The following CNOT1 variants were observed in gnomAD, a reference collection of about 807,000 sequenced individuals.
CNOT1 encodes CCR4-associated factor 1.
In CNOT1, 15 loss-of-function variants were observed where a neutral mutation model predicts 273.8. The observed-to-expected ratio is 0.05, with a 90% CI of 0.04 to 0.08. The LOEUF (loss-of-function observed/expected upper bound fraction) is 0.08, where lower values mean the gene tolerates loss of function less well. Among genes scored for constraint, CNOT1 ranks in the 10% least tolerant of loss-of-function variants. The pLI is 1.00. For synonymous variants in CNOT1, 1,022 were observed against 1,005.5 expected (o/e 1.02, Z -0.31); for missense variants, 1,644 against 2,912.2 (o/e 0.56, Z 10.02).
At chr16:58,628,966 C>G (rs975152322) in intron 1 of CNOT1, among the ~76,000 whole-genome samples, 1 of 152,258 alleles carries the variant, frequency 6.6e-6, no homozygotes, top group Admixed American at 6.5e-5. Context: ...TTGAGGCCTA[C>G]AAGTGCTCAG....
intron 16 of CNOT1, among the ~76,000 whole-genome samples, chr16:58,569,625 ATG>A (rs2041195124): frequency 9.5e-6 from 1 of 105,368 alleles, no homozygotes; most frequent in Non-Finnish European, 1.8e-5. Context: ...CACTAACCAC[ATG>A]TCCCACCACA....
chr16:58,585,389 T>G lies in CNOT1; in HGVS notation c.755A>C (p.Glu252Ala). ...DSGGVAKTMM[E>A]SSLADFMQEV... is the part of the protein sequence containing the mutation. ...TTGCATGAAATCAGCCAAAGAGCTC[T>G]CCATCATGGTTTTAGCTACCCCTCC... The change falls in exon 8 of 49, where the codon GAG (glutamate) becomes GCG (alanine). Residue 252 changes from glutamate (E) to alanine (A), a missense_variant. Coordinates refer to ENST00000317147, the MANE Select transcript of CNOT1 (RefSeq NM_016284.5). The G allele has an allele frequency of 6.2e-7, 1 of 1,613,912 alleles. No individual in the cohort carries two copies. The highest frequency in any genetic ancestry group is 8.5e-7 in the Non-Finnish European group (1 of 1,180,002).
At chr16:58,533,353 G>A (rs759043263) in intron 40 of CNOT1, among the ~76,000 whole-genome samples, 18 of 152,122 alleles carry the variant, frequency 1.2e-4, no homozygotes, top group Non-Finnish European at 1.9e-4. Context: ...AACCACTGAC[G>A]TGGCCGGGCG....
chr16:58,542,718 AAC>A (rs2040130036), intron 31 of CNOT1, 150 bp from the exon 32 acceptor site: 4 of 1,202,946 alleles, frequency 3.3e-6, no homozygotes, highest in Non-Finnish European at 4.5e-6. Flanking sequence ...GTGATCTTGA[AAC>A]AGTCTTAACA....
At chr16:58,552,193 A>G (rs2040472178) in intron 22 of CNOT1, among the ~76,000 whole-genome samples, 1 of 151,842 alleles carries the variant, frequency 6.6e-6, no homozygotes, top group East Asian at 1.9e-4. Flanking sequence ...CAAAACAAAA[A>G]CCATGGTAGT....
rs1437908467 is a variant in CNOT1, at chr16:58,547,847, T to C, written c.3523-165A>G. Reference sequence around the variant, plus strand: ...TATATCATTCTCAATATCATTTTGCTGTGTTTATGATTCAACAGTGCTATT... The same window carrying C: ...TATATCATTCTCAATATCATTTTGCCGTGTTTATGATTCAACAGTGCTATT... On this transcript the variant is annotated intron_variant, in intron 25 of 48. Coordinates refer to ENST00000317147, the MANE Select transcript of CNOT1 (RefSeq NM_016284.5). The surrounding 1 kb of genome is among the most constrained non-coding windows in gnomAD (Gnocchi z 4.0). Among the ~76,000 whole-genome samples the C allele has an allele frequency of 6.6e-6, 1 of 152,248 alleles. No homozygotes were observed. Among genetic ancestry groups the C allele is most frequent in the East Asian group, 1.9e-4 (1 of 5,204 alleles).
chr16:58,598,306 G>C (rs1291357667), intron 2 of CNOT1, among the ~76,000 whole-genome samples: 3 of 151,302 alleles, frequency 2.0e-5, no homozygotes, highest in Non-Finnish European at 2.9e-5. Flanking sequence ...GTTAAGACAG[G>C]AGAATCGCTT....
At chr16:58,561,803 C>T (rs2040850784) in intron 16 of CNOT1, among the ~76,000 whole-genome samples, 1 of 152,152 alleles carries the variant, frequency 6.6e-6, no homozygotes, top group African/African-American at 2.4e-5. Context: ...ATCCTAAATA[C>T]TTCTGACCCC....
Position 58,611,365 on chromosome 16 carries a change from G to C in CNOT1, c.-174-11854C>G, listed in dbSNP as rs1056077789. On this transcript the variant is annotated intron_variant, in intron 1 of 48. Coordinates refer to ENST00000317147, the MANE Select transcript of CNOT1 (RefSeq NM_016284.5). ...AATTGCTTGATCCCGGGAAGCAGAG[G>C]TTACAGGGAGCCGAGACCACGCCAC... 4.0e-5 allele frequency among the ~76,000 whole-genome samples: 6 copies of C among 151,662 alleles called. No individual in the cohort carries two copies. The East Asian group carries it at 9.7e-4, about 25-fold the overall frequency.
In CNOT1 at chr16:58,532,249, C is replaced by G. The variant is rs2039796488; in HGVS notation, c.6042G>C (p.Gln2014His). Residue 2014 changes from glutamine (Q) to histidine (H), a missense_variant, in exon 41 of 49, where the codon CAG becomes CAC. By Grantham distance (24) the Gln-to-His change is conservative. Coordinates refer to ENST00000317147, the MANE Select transcript of CNOT1 (RefSeq NM_016284.5). ...ATACTCACCAGAAAGCTGTAAGTGT[C>G]TGGAAATTAATGGTTTCCAACACAT... is the stretch of plus-strand genomic sequence containing the variant. ...PEHVLETINFQTLTAFCNTFH... is the reference protein window; with the variant it reads ...PEHVLETINFHTLTAFCNTFH... The G allele has an allele frequency of 6.2e-7, 1 of 1,613,986 alleles. No homozygotes were observed. Among genetic ancestry groups the G allele is most frequent in the Non-Finnish European group, 8.5e-7 (1 of 1,179,946 alleles).
intron 8 of CNOT1, among the ~76,000 whole-genome samples, chr16:58,583,892 G>A (rs992460786): frequency 5.9e-5 from 9 of 151,958 alleles, no homozygotes; most frequent in Non-Finnish European, 1.2e-4. Context: ...GTAAGAGCCG[G>A]GTGTGGTGGC....
chr16:58,547,741 T>G lies in CNOT1; in HGVS notation c.3523-59A>C. The G allele has an allele frequency of 6.6e-7, 1 of 1,515,660 alleles. No individual in the cohort carries two copies. Among genetic ancestry groups the G allele is most frequent in the Non-Finnish European group, 8.9e-7 (1 of 1,117,908 alleles). The allele number at this position is 1,515,660 out of a possible 1,614,324, so 93.9% of individuals were successfully genotyped here. A position where few individuals can be genotyped will look rare whatever the true frequency, so the allele number is the denominator to read the frequency against. On this transcript the variant is annotated intron_variant, in intron 25 of 48. Transcript: ENST00000317147. This position sits in a 1 kb window ranked among gnomAD's most constrained non-coding sequence, Gnocchi z 4.0. ...ATAAGCTTATGAAAGAAAACTCAAC[T>G]AAGTATTTGAGAATTCCATTATCCT...
At chr16:58,535,793 G>A (rs1192906311) in intron 39 of CNOT1, among the ~76,000 whole-genome samples, 1 of 151,796 alleles carries the variant, frequency 6.6e-6, no homozygotes, top group Non-Finnish European at 1.5e-5. Context: ...GAGTGCAGTG[G>A]TGCAATCTCG....
intron 18 of CNOT1, 140 bp downstream of exon 18, chr16:58,558,327 TCCCAAC>T: frequency 7.3e-7 from 1 of 1,375,254 alleles, no homozygotes; most frequent in Non-Finnish European, 9.8e-7. Flanking sequence ...GTTTTTCTTT[TCCCAAC>T]TTTGGATACT....
chr16:58,531,828 T>C, intron 42 of CNOT1, 130 bp downstream of exon 42: 1 of 1,117,624 alleles, frequency 8.9e-7, no homozygotes, highest in African/African-American at 1.6e-5. Context: ...GAACACTAAA[T>C]AGCATTCCCA....
chr16:58,607,709 A>G (rs1439579879), intron 1 of CNOT1, among the ~76,000 whole-genome samples: 8 of 135,106 alleles, frequency 5.9e-5, no homozygotes, highest in Non-Finnish European at 1.2e-4. Context: ...CCTGGGCAAC[A>G]ACAGCAAAAC....
intron 47 of CNOT1, 45 bp downstream of exon 47, chr16:58,523,325 G>A: frequency 1.3e-6 from 2 of 1,534,456 alleles, no homozygotes; most frequent in Admixed American, 2.1e-5. Flanking sequence ...AGATGAAAGG[G>A]AGGAGATCCT....
chr16:58,607,718 A>G (rs1337928472), intron 1 of CNOT1, among the ~76,000 whole-genome samples: 1 of 112,592 alleles, frequency 8.9e-6, no homozygotes, highest in Non-Finnish European at 1.9e-5. Context: ...CAACAGCAAA[A>G]CTCAAAAAAA....
chr16:58,570,862 T>C (rs2041245784), intron 16 of CNOT1, among the ~76,000 whole-genome samples: 1 of 150,900 alleles, frequency 6.6e-6, no homozygotes, highest in South Asian at 2.2e-4. Context: ...GGAGTTAAGA[T>C]GGTACACTAC....
Sources: gnomAD v4.1 joint callset for allele counts (sites outside exome capture counted in the v4.1 genomes callset) on GRCh38, gnomAD v4.1.1 for gene constraint, Gnocchi (gnomAD v3.1) non-coding constraint, MANE v1.5 for transcripts, NCBI Gene and HGNC (gene_info 2026-07-23, HGNC 2026-07-21) for gene names.